The following RBM19 variants were observed in gnomAD, a reference collection of about 807,000 sequenced individuals.
RBM19 encodes the protein RNA binding motif protein 19.
Under a neutral mutation model 116.8 loss-of-function variants are expected in RBM19, and 94 were observed. The ratio of observed to expected loss-of-function variants is 0.80; its 90% CI spans 0.68 to 0.95. The LOEUF is 0.95. RBM19 is among the 40% of genes least tolerant of loss of function. The probability of loss-of-function intolerance (pLI) is 0.00; values close to 1 mark genes in which losing one functional copy is unlikely to be tolerated. For missense variants in RBM19, 1,161 were observed against 1,220.7 expected, an observed-to-expected ratio of 0.95 and a Z score of 0.73; for synonymous variants, 475 against 494.1, an observed-to-expected ratio of 0.96 and a Z score of 0.51.
chr12:113,927,478 A>G, intron 16 of RBM19: 1 of 451,506 alleles, frequency 2.2e-6, no homozygotes, highest in South Asian at 4.7e-5. Context: ...CAGCCCTCAA[A>G]TGGAGCCTTA....
Position 113,823,068 on chromosome 12 carries a change from C to T in RBM19, c.*156G>A, listed in dbSNP as rs1198437655. Reference sequence around the variant, plus strand: ...CGCTGGGCAGTGGCCTGAGGCCTTCCTCATCCCCTGTCTCCTCCGACCTTG... The same window carrying T: ...CGCTGGGCAGTGGCCTGAGGCCTTCTTCATCCCCTGTCTCCTCCGACCTTG... On this transcript the variant is annotated 3_prime_UTR_variant, in exon 24 of 24. Coordinates refer to ENST00000261741, the MANE Select transcript of RBM19 (RefSeq NM_016196.4). 1.2e-5 allele frequency: 8 copies of T among 669,694 alleles called. No homozygotes were observed. Among genetic ancestry groups the T allele is most frequent in the Non-Finnish European group, 2.0e-5 (8 of 401,348 alleles). The allele number at this position is 669,694 out of a possible 1,614,324, so 41.5% of individuals were successfully genotyped here. A position where few individuals can be genotyped will look rare whatever the true frequency, so the allele number is the denominator to read the frequency against.
rs987798677 is a variant in RBM19, at chr12:113,890,120, C to T, written c.2558+24849G>A. Among the ~76,000 whole-genome samples, 9 of 152,172 alleles carry T rather than the reference C, an allele frequency of 5.9e-5. No individual in the cohort carries two copies. The South Asian group carries it at 8.3e-4, about 14-fold the overall frequency. On this transcript the variant is annotated intron_variant, in intron 21 of 23. Transcript: ENST00000261741. ...TTGGATGGATCCTCTCTCATTCCCCCCTCCCTCGCTGCCCAAAACCTCAAA... is the reference window on the plus strand; with the variant it reads ...TTGGATGGATCCTCTCTCATTCCCCTCTCCCTCGCTGCCCAAAACCTCAAA...
In RBM19 at chr12:113,966,223, G is replaced by A. The variant is rs958694336; in HGVS notation, c.5C>T (p.Ser2Leu). The change falls in exon 1 of 24, where the codon TCG (serine) becomes TTG (leucine). Residue 2 changes from serine (S) to leucine (L), a missense_variant. Coordinates refer to ENST00000261741, the MANE Select transcript of RBM19 (RefSeq NM_016196.4). ...CGGGAGATTCTTCACGATCAGTCGC[G>A]ACATGGCGCAGGGTCCCCGCTGTTT... is the stretch of plus-strand genomic sequence containing the variant. M[S>L]RLIVKNLPNG... 1.2e-6 allele frequency: 2 copies of A among 1,614,244 alleles called. No homozygotes were observed. The highest frequency in any genetic ancestry group is 1.7e-6 in the Non-Finnish European group (2 of 1,180,054).
At chr12:113,943,441 G>A (rs925409613) in intron 13 of RBM19, among the ~76,000 whole-genome samples, 6 of 152,068 alleles carry the variant, frequency 3.9e-5, no homozygotes, top group Non-Finnish European at 5.9e-5. Context: ...AGTGCTCTCC[G>A]TGGAAAACAC....
intron 18 of RBM19, among the ~76,000 whole-genome samples, chr12:113,924,191 C>A (rs1868851572): frequency 6.6e-6 from 1 of 152,160 alleles, no homozygotes; most frequent in Non-Finnish European, 1.5e-5. Flanking sequence ...TACCCACTGG[C>A]CTGGGAGGTG....
At chr12:113,887,593 C>G (rs183735422) in intron 21 of RBM19, among the ~76,000 whole-genome samples, 8,753 of 130,704 alleles carry the variant, frequency 0.067, 557 homozygotes, top group East Asian at 0.35. Flanking sequence ...CGAGATCGCA[C>G]CACTGCACTC....
chr12:113,854,307 CT>C, intron 22 of RBM19, among the ~76,000 whole-genome samples: 1 of 152,254 alleles, frequency 6.6e-6, no homozygotes, highest in East Asian at 1.9e-4. Context: ...AGATATTGCC[CT>C]TTTAGAAACT....
At chr12:113,960,712 G>A (rs187700196) in intron 2 of RBM19, among the ~76,000 whole-genome samples, 1 of 152,290 alleles carries the variant, frequency 6.6e-6, no homozygotes, top group African/African-American at 2.4e-5. Context: ...GCAGGGTAAT[G>A]TGGGGCAGTG....
chr12:113,879,896 G>A (rs1306673798), intron 21 of RBM19, among the ~76,000 whole-genome samples: 1 of 152,094 alleles, frequency 6.6e-6, no homozygotes, highest in Middle Eastern at 3.4e-3. Context: ...GGCAGGCAGA[G>A]GGTGAGCAGA....
At chr12:113,940,462 G>C (rs778193283) in intron 14 of RBM19, among the ~76,000 whole-genome samples, 1 of 152,194 alleles carries the variant, frequency 6.6e-6, no homozygotes, top group Non-Finnish European at 1.5e-5. Flanking sequence ...CAGTGGCTGG[G>C]GTCTGCATCT....
chr12:113,925,448 A>G (rs1868981530), intron 17 of RBM19, among the ~76,000 whole-genome samples: 1 of 152,234 alleles, frequency 6.6e-6, no homozygotes, highest in East Asian at 1.9e-4. Context: ...AGAAGAGTCT[A>G]TTAACATCCC....
chr12:113,947,575 C>T (rs1320932877), intron 10 of RBM19, 111 bp from the exon 11 acceptor site: 9 of 1,205,364 alleles, frequency 7.5e-6, no homozygotes, highest in Non-Finnish European at 1.0e-5. Flanking sequence ...GGTGTCATTT[C>T]CCAGTCCCCT....
intron 19 of RBM19, among the ~76,000 whole-genome samples, chr12:113,919,937 C>A (rs76990160): frequency 0.042 from 6,449 of 152,232 alleles, 345 homozygotes; most frequent in Admixed American, 0.15. Flanking sequence ...TCTCCCACTG[C>A]CTTTAGGCTG....
intron 5 of RBM19, among the ~76,000 whole-genome samples, chr12:113,958,324 G>A (rs1872159028): frequency 6.6e-6 from 1 of 152,182 alleles, no homozygotes; most frequent in Admixed American, 6.5e-5. Flanking sequence ...GGCAGCCTCT[G>A]TGACACTTTA....
At chr12:113,913,354 G>A (rs368278357) in intron 21 of RBM19, among the ~76,000 whole-genome samples, 6 of 151,978 alleles carry the variant, frequency 3.9e-5, no homozygotes, top group South Asian at 2.1e-4. Context: ...CTGATCAGTC[G>A]AGGTTTAGGG....
intron 21 of RBM19, among the ~76,000 whole-genome samples, chr12:113,900,549 G>A (rs1881622538): frequency 6.6e-6 from 1 of 152,150 alleles, no homozygotes; most frequent in Non-Finnish European, 1.5e-5. Context: ...ATGAGGCCCC[G>A]AGAGGTCATG....
chr12:113,878,718 G>A (rs1234188815), intron 21 of RBM19, among the ~76,000 whole-genome samples: 3 of 149,410 alleles, frequency 2.0e-5, no homozygotes, highest in Non-Finnish European at 4.4e-5. Context: ...CAGGAAAGCC[G>A]CCCAAGGTCA....
At chr12:113,942,899 C>T (rs1051529541) in intron 13 of RBM19, among the ~76,000 whole-genome samples, 15 of 152,208 alleles carry the variant, frequency 9.9e-5, no homozygotes, top group Non-Finnish European at 2.1e-4. Flanking sequence ...GCGTGAGCCA[C>T]TGTGCTTGGC....
chr12:113,886,284 C>A (rs1393987400), intron 21 of RBM19, among the ~76,000 whole-genome samples: 1 of 152,186 alleles, frequency 6.6e-6, no homozygotes, highest in Non-Finnish European at 1.5e-5. Flanking sequence ...AGGCATGCAC[C>A]ACCATGCCCG....
Sources: allele counts gnomAD v4.1 joint callset (sites outside exome capture counted in the v4.1 genomes callset), GRCh38; gene constraint gnomAD v4.1.1; transcripts MANE v1.5; gene names NCBI Gene and HGNC (gene_info 2026-07-23, HGNC 2026-07-21).